PATL1: variants seen among roughly 807,000 people sequenced by gnomAD.
PATL1 encodes the protein PAT1 homolog 1, processing body mRNA decay factor, also known as protein PAT1 homolog 1.
A neutral mutation model predicts 100.6 loss-of-function variants in PATL1; 32 were observed. The observed-to-expected ratio is 0.32, with a 90% CI of 0.24 to 0.43. The LOEUF is 0.43. Ranked by LOEUF, PATL1 falls within the 20% of genes least tolerant of loss-of-function variation. The pLI, the probability that PATL1 is intolerant of heterozygous loss-of-function variation, is 1.00. For missense variants in PATL1, 747 were observed against 949.9 expected, an observed-to-expected ratio of 0.79 and a Z score of 2.81; for synonymous variants, 332 against 330.0, an observed-to-expected ratio of 1.01 and a Z score of -0.07.
rs1327244366 is a variant in PATL1, at chr11:59,637,750, T to C, written c.*640A>G. On this transcript the variant is annotated 3_prime_UTR_variant, in exon 19 of 19. Transcript: ENST00000300146. ...CGTGCTGCATACTCTTTATTTATGT[T>C]AAAACAAGTAGAACCCACCAAATTA... The C allele has an allele frequency of 1.3e-5, 2 of 152,404 alleles. No homozygotes were observed. The highest frequency in any genetic ancestry group is 1.3e-4 in the Admixed American group (2 of 15,304). 9.4% of individuals were successfully genotyped at this position (152,404 alleles called of 1,614,324 possible).
intron 16 of PATL1, among the ~76,000 whole-genome samples, chr11:59,641,005 C>T (rs2134736116): frequency 6.6e-6 from 1 of 152,220 alleles, no homozygotes; most frequent in Non-Finnish European, 1.5e-5. Flanking sequence ...AACCCTGTCT[C>T]TGCTAAAAAC....
intron 3 of PATL1, 110 bp from the exon 4 acceptor site, chr11:59,659,056 C>A (rs571643399): frequency 9.1e-7 from 1 of 1,100,526 alleles, no homozygotes; most frequent in East Asian, 2.6e-5. Context: ...CTTTAGAATA[C>A]GAAATTATAG....
At position 59,647,920 on chromosome 11, in the gene PATL1, G is replaced by A. The variant is rs1438849212; in HGVS notation, c.1734-7C>T. On this transcript the variant is annotated splice_polypyrimidine_tract_variant and splice_region_variant and intron_variant, in intron 14 of 18. Coordinates refer to ENST00000300146, the MANE Select transcript of PATL1 (RefSeq NM_152716.3). The stretch of plus-strand genomic sequence containing the variant: ...AAAGTGGTCATCACTAGGCCTGCAA[G>A]GAAGAAAAATGCCAGCTTAGGTCAG... 6 of 1,580,244 alleles carry A rather than the reference G, an allele frequency of 3.8e-6. No homozygotes were observed. Among genetic ancestry groups the A allele is most frequent in the South Asian group, 1.1e-5 (1 of 86,962 alleles).
At position 59,668,912 on chromosome 11, in the gene PATL1, A is replaced by G. The variant is rs1326697343; in HGVS notation, c.-17T>C. 1.8e-5 allele frequency: 6 copies of G among 327,774 alleles called. No individual in the cohort carries two copies. The highest frequency in any genetic ancestry group is 1.7e-4 in the Admixed American group (3 of 18,052). 20.3% of individuals were successfully genotyped at this position (327,774 alleles called of 1,614,324 possible). ...GCGGAACATTCTTGGGGAGGGGGGCAGGGAGCGGGGAGGGGAGAGGGGGAG... is the reference window on the plus strand; with the variant it reads ...GCGGAACATTCTTGGGGAGGGGGGCGGGGAGCGGGGAGGGGAGAGGGGGAG... On this transcript the variant is annotated 5_prime_UTR_variant, in exon 1 of 19. Transcript: ENST00000300146.
At chr11:59,649,263 A>G (rs1861407005) in intron 14 of PATL1, among the ~76,000 whole-genome samples, 199 bp downstream of exon 14, 1 of 152,214 alleles carries the variant, frequency 6.6e-6, no homozygotes. Flanking sequence ...ATTCAGGATA[A>G]AGACTTTTTT....
intron 14 of PATL1, 86 bp downstream of exon 14, chr11:59,649,376 T>C (rs1298788661): frequency 1.4e-6 from 2 of 1,423,736 alleles, no homozygotes; most frequent in Non-Finnish European, 1.9e-6. Flanking sequence ...TAGGGAAGTG[T>C]ACCTAAAAGG....
chr11:59,665,800 T>G (rs115840223), intron 2 of PATL1, among the ~76,000 whole-genome samples: 3,431 of 151,932 alleles, frequency 0.023, 125 homozygotes, highest in African/African-American at 0.079. Context: ...CAAATATATG[T>G]GTATGTATAC....
chr11:59,647,939 A>C, intron 14 of PATL1, 26 bp from the exon 15 acceptor site: 1 of 1,575,422 alleles, frequency 6.3e-7, no homozygotes. Flanking sequence ...ATGCCAGCTT[A>C]GGTCAGCAAG....
intron 16 of PATL1, among the ~76,000 whole-genome samples, chr11:59,641,598 C>T (rs58083389): frequency 0.05 from 7,567 of 151,948 alleles, 275 homozygotes; most frequent in East Asian, 0.18. Flanking sequence ...ACAAAAAATA[C>T]ACAAATTAGT....
intron 15 of PATL1, among the ~76,000 whole-genome samples, chr11:59,647,064 A>T (rs982388778): frequency 1.3e-5 from 2 of 149,522 alleles, no homozygotes; most frequent in African/African-American, 4.9e-5. Context: ...TACAAAAGGT[A>T]AAAAAAAAAT....
intron 2 of PATL1, among the ~76,000 whole-genome samples, chr11:59,664,332 T>C (rs936714185): frequency 6.6e-6 from 1 of 152,186 alleles, no homozygotes; most frequent in African/African-American, 2.4e-5. Context: ...AAAAAAAGAC[T>C]GTCCATAGCA....
intron 5 of PATL1, chr11:59,657,215 C>CT (rs1861548730): frequency 1.2e-6 from 1 of 831,964 alleles, no homozygotes; most frequent in Non-Finnish European, 1.4e-6. Context: ...TGTGTTCCCA[C>CT]TCCCCCCGGC....
At chr11:59,661,666 T>C (rs1211663208) in intron 2 of PATL1, among the ~76,000 whole-genome samples, 3 of 152,198 alleles carry the variant, frequency 2.0e-5, no homozygotes, top group Non-Finnish European at 4.4e-5. Flanking sequence ...GTTTAAAAAA[T>C]TCAAACACCA....
Position 59,667,018 on chromosome 11 carries a change from A to G in PATL1, c.16-54T>C, listed in dbSNP as rs1440189438. On this transcript the variant is annotated intron_variant, in intron 1 of 18. Coordinates refer to ENST00000300146, the MANE Select transcript of PATL1 (RefSeq NM_152716.3). ...TCATGAAATTCACACCCTCATTTTA[A>G]AAATGTTCTAAAAATGTTCATCTTA... 1.9e-5 allele frequency: 28 copies of G among 1,513,452 alleles called. No individual in the cohort carries two copies. The South Asian group carries it at 3.2e-4, about 17-fold the overall frequency. 93.8% of individuals were successfully genotyped at this position (1,513,452 alleles called of 1,614,324 possible).
At chr11:59,653,736 G>A (rs1861480928) in intron 9 of PATL1, among the ~76,000 whole-genome samples, 1 of 152,066 alleles carries the variant, frequency 6.6e-6, no homozygotes, top group Non-Finnish European at 1.5e-5. Flanking sequence ...TTGTGTGTCT[G>A]TCTTTAAATA....
chr11:59,641,384 T>C (rs1170623956), intron 16 of PATL1, among the ~76,000 whole-genome samples: 1 of 151,952 alleles, frequency 6.6e-6, no homozygotes, highest in Non-Finnish European at 1.5e-5. Flanking sequence ...TACCTATAAA[T>C]GGATCATAAA....
At chr11:59,668,083 A>T (rs1861715378) in intron 1 of PATL1, among the ~76,000 whole-genome samples, 1 of 152,254 alleles carries the variant, frequency 6.6e-6, no homozygotes, top group Non-Finnish European at 1.5e-5. Context: ...AACTTCCAGC[A>T]GTACTCCCTT....
chr11:59,664,908 A>C (rs1457730091), intron 2 of PATL1, among the ~76,000 whole-genome samples: 5 of 152,198 alleles, frequency 3.3e-5, no homozygotes, highest in Non-Finnish European at 7.3e-5. Flanking sequence ...CTATCTTCCA[A>C]ATATAATTTG....
rs369118559 is a variant in PATL1, at chr11:59,653,010, C to T, written c.1130G>A (p.Arg377Gln). Residue 377 changes from arginine to glutamine, a missense_variant, in exon 10 of 19, where the codon CGG becomes CAG. Transcript: ENST00000300146. ...QRQQQNRSQHRNLNGAGDRGS... is the reference protein window; with the variant it reads ...QRQQQNRSQHQNLNGAGDRGS... ...TCTATCTCCCGCACCATTGAGATTC[C>T]GATGCTGACTGAAAAACATACACCA... The T allele has an allele frequency of 8.1e-6, 13 of 1,609,556 alleles. No individual in the cohort carries two copies. The highest frequency in any genetic ancestry group is 2.2e-5 in the East Asian group (1 of 44,832).
Sources: allele counts gnomAD v4.1 joint callset (sites outside exome capture counted in the v4.1 genomes callset), GRCh38; gene constraint gnomAD v4.1.1; transcripts MANE v1.5; gene names NCBI Gene and HGNC (gene_info 2026-07-23, HGNC 2026-07-21).